Variants in GMDS observed in about 807,000 individuals in gnomAD.
GMDS encodes the protein GDP-mannose 4,6-dehydratase.
Under a neutral mutation model 49.9 loss-of-function variants are expected in GMDS, and 20 were observed. That is an observed-to-expected ratio of 0.40 (90% CI 0.28 to 0.58). The LOEUF (loss-of-function observed/expected upper bound fraction) is 0.58. Ranked by LOEUF, GMDS falls within the 20% of genes least tolerant of loss-of-function variation. The probability of loss-of-function intolerance (pLI) is 0.42; values close to 1 mark genes in which losing one functional copy is unlikely to be tolerated. For synonymous variants in GMDS, 177 were observed against 178.6 expected (o/e 0.99, Z 0.07); for missense variants, 362 against 481.4 (o/e 0.75, Z 2.32).
chr6:1,673,208 C>G (rs1764482413), intron 9 of GMDS, among the ~76,000 whole-genome samples: 1 of 152,118 alleles, frequency 6.6e-6, no homozygotes, highest in Non-Finnish European at 1.5e-5. Flanking sequence ...CCTCAGCTGA[C>G]CGATGCCTGC....
At chr6:1,781,386 G>T (rs1468858024) in intron 7 of GMDS, among the ~76,000 whole-genome samples, 2 of 152,212 alleles carry the variant, frequency 1.3e-5, no homozygotes, top group Non-Finnish European at 2.9e-5. Context: ...GCTTACTCTC[G>T]CTGGCGTGGG....
At chr6:1,726,684 G>C (rs1766603867) in intron 8 of GMDS, among the ~76,000 whole-genome samples, 172 bp from the exon 9 acceptor site, 1 of 152,204 alleles carries the variant, frequency 6.6e-6, no homozygotes, top group Non-Finnish European at 1.5e-5. Flanking sequence ...GACTTTCAAA[G>C]CCTTTCTAGA....
At chr6:1,712,478 A>G (rs1766007502) in intron 9 of GMDS, among the ~76,000 whole-genome samples, 1 of 152,254 alleles carries the variant, frequency 6.6e-6, no homozygotes, top group East Asian at 1.9e-4. Context: ...GAATAAACTG[A>G]TATCGATGGT....
intron 7 of GMDS, among the ~76,000 whole-genome samples, chr6:1,819,229 A>C (rs1299431270): frequency 6.6e-6 from 1 of 152,234 alleles, no homozygotes; most frequent in African/African-American, 2.4e-5. Context: ...ATGACTACAC[A>C]GAAGCTGGTA....
chr6:2,189,558 A>G (rs1396783373), intron 1 of GMDS, among the ~76,000 whole-genome samples: 1 of 152,212 alleles, frequency 6.6e-6, no homozygotes, highest in African/African-American at 2.4e-5. Context: ...CCTATGATTT[A>G]GAAGCCCAGG....
intron 4 of GMDS, among the ~76,000 whole-genome samples, chr6:2,070,066 C>T (rs907887327): frequency 1.3e-5 from 2 of 151,360 alleles, no homozygotes; most frequent in Admixed American, 6.6e-5. Flanking sequence ...GGCACATATA[C>T]ACCATGGAAT....
intron 7 of GMDS, among the ~76,000 whole-genome samples, chr6:1,826,492 T>C (rs928383377): frequency 6.6e-6 from 1 of 152,238 alleles, no homozygotes; most frequent in Non-Finnish European, 1.5e-5. Flanking sequence ...AAAAGTTTGT[T>C]GTAGGTGTGC....
chr6:2,178,202 C>A (rs1323467402), intron 1 of GMDS, among the ~76,000 whole-genome samples: 2 of 152,168 alleles, frequency 1.3e-5, no homozygotes, highest in African/African-American at 2.4e-5. Flanking sequence ...TCCATTCTTG[C>A]ACTGCTATAA....
At chr6:1,812,051 A>G (rs1047350549) in intron 7 of GMDS, among the ~76,000 whole-genome samples, 1 of 152,238 alleles carries the variant, frequency 6.6e-6, no homozygotes, top group Non-Finnish European at 1.5e-5. Context: ...TCTACAATTA[A>G]GATCTAATAA....
intron 9 of GMDS, among the ~76,000 whole-genome samples, chr6:1,671,879 G>A (rs190919880): frequency 3.9e-5 from 6 of 152,182 alleles, no homozygotes; most frequent in Admixed American, 3.9e-4. Context: ...TGGCCAGGAT[G>A]GCCTTGATCT....
chr6:1,929,998 G>T (rs911885089), intron 7 of GMDS, 105 bp downstream of exon 7: 2 of 1,026,960 alleles, frequency 1.9e-6, no homozygotes, highest in Non-Finnish European at 1.5e-6. Flanking sequence ...CTTGGCAAAG[G>T]TTTGTATGCC....
At chr6:1,772,149 T>C (rs1768604439) in intron 7 of GMDS, among the ~76,000 whole-genome samples, 1 of 152,198 alleles carries the variant, frequency 6.6e-6, no homozygotes. Context: ...CTCATGCTAT[T>C]TTCAGTTACT....
At chr6:2,175,625 A>G (rs2127557840) in intron 1 of GMDS, among the ~76,000 whole-genome samples, 1 of 152,332 alleles carries the variant, frequency 6.6e-6, no homozygotes, top group Non-Finnish European at 1.5e-5. Context: ...AGTCATGCTC[A>G]CACTGTCATT....
Position 1,960,938 on chromosome 6 carries a change from G to A in GMDS, c.374C>T (p.Ala125Val), listed in dbSNP as rs774625510. The change falls in exon 5 of 11, where the codon GCG (alanine) becomes GTG (valine). Residue 125 changes from alanine to valine, a missense_variant. Coordinates refer to ENST00000380815, the MANE Select transcript of GMDS (RefSeq NM_001500.4). ...KISFDLAEYT[A>V]DVDGVGTLRL... ...TAGAGTGCCAACTCCGTCAACGTCC[G>A]CAGTGTACTCAGCGAGGTCAAAGGA... The A allele has an allele frequency of 2.2e-5, 34 of 1,576,196 alleles. No individual in the cohort carries two copies. Among genetic ancestry groups the A allele is most frequent in the African/African-American group, 1.6e-4 (12 of 74,528 alleles).
chr6:1,754,466 A>C (rs1237734625), intron 7 of GMDS, among the ~76,000 whole-genome samples: 2 of 152,254 alleles, frequency 1.3e-5, no homozygotes, highest in South Asian at 2.1e-4. Context: ...AGGAGCTGGT[A>C]CCATTCCTTC....
At chr6:2,203,131 T>C (rs557761084) in intron 1 of GMDS, among the ~76,000 whole-genome samples, 1 of 152,332 alleles carries the variant, frequency 6.6e-6, no homozygotes, top group African/African-American at 2.4e-5. Flanking sequence ...TCCTCATTTT[T>C]GAAGGCTTGT....
chr6:1,936,163 T>C (rs1762520214), intron 6 of GMDS, among the ~76,000 whole-genome samples: 1 of 152,206 alleles, frequency 6.6e-6, no homozygotes, highest in African/African-American at 2.4e-5. Context: ...CTTAAGCAAG[T>C]GTTTTAATTT....
intron 7 of GMDS, among the ~76,000 whole-genome samples, chr6:1,897,788 T>A (rs906454459): frequency 3.9e-5 from 6 of 152,252 alleles, no homozygotes; most frequent in African/African-American, 1.4e-4. Context: ...TACGTACTCA[T>A]TAACCAACCT....
At chr6:1,922,805 G>T (rs113874616) in intron 7 of GMDS, among the ~76,000 whole-genome samples, 1 of 152,146 alleles carries the variant, frequency 6.6e-6, no homozygotes, top group Non-Finnish European at 1.5e-5. Context: ...GCTAGCTCCC[G>T]TCTCTGCTGA....
Sources: gnomAD v4.1 joint callset for allele counts (sites outside exome capture counted in the v4.1 genomes callset) on GRCh38, gnomAD v4.1.1 for gene constraint, MANE v1.5 for transcripts, NCBI Gene and HGNC (gene_info 2026-07-23, HGNC 2026-07-21) for gene names.